The following DENND5B variants were observed in gnomAD, a reference collection of about 807,000 sequenced individuals.
DENND5B encodes the protein DENN domain-containing protein 5B.
In DENND5B, 34 loss-of-function variants were observed where a neutral mutation model predicts 140.6. The ratio of observed to expected loss-of-function variants is 0.24; its 90% CI spans 0.18 to 0.32. DENND5B has a LOEUF of 0.32. Among genes scored for constraint, DENND5B ranks in the 10% least tolerant of loss-of-function variants. The pLI, the probability that DENND5B is intolerant of heterozygous loss-of-function variation, is 1.00. For missense variants in DENND5B, 1,142 were observed against 1,560.2 expected, an observed-to-expected ratio of 0.73 and a Z score of 4.52; for synonymous variants, 551 against 562.1, an observed-to-expected ratio of 0.98 and a Z score of 0.28.
intron 11 of DENND5B, among the ~76,000 whole-genome samples, chr12:31,420,746 C>T (rs1489029193): frequency 1.3e-5 from 2 of 151,914 alleles, no homozygotes; most frequent in East Asian, 3.9e-4. Flanking sequence ...ACTCAGTCCT[C>T]CCAACGAATT....
intron 1 of DENND5B, among the ~76,000 whole-genome samples, chr12:31,551,855 GCTTT>G (rs1441778373): frequency 7.9e-5 from 12 of 152,180 alleles, no homozygotes; most frequent in South Asian, 4.1e-4. Flanking sequence ...TCATGATTTG[GCTTT>G]CTGTTTGTCT....
intron 3 of DENND5B, among the ~76,000 whole-genome samples, chr12:31,472,626 T>C (rs991785923): frequency 1.3e-5 from 2 of 151,964 alleles, no homozygotes; most frequent in African/African-American, 4.8e-5. Context: ...CTACCAAAGG[T>C]TGCATGGACT....
intron 11 of DENND5B, among the ~76,000 whole-genome samples, chr12:31,420,741 G>A (rs912587978): frequency 6.6e-6 from 1 of 152,094 alleles, no homozygotes; most frequent in South Asian, 2.1e-4. Flanking sequence ...ACCACACTCA[G>A]TCCTCCCAAC....
intron 1 of DENND5B, among the ~76,000 whole-genome samples, chr12:31,573,290 A>C (rs2617210): frequency 0.078 from 11,867 of 152,268 alleles, 1,056 homozygotes; most frequent in African/African-American, 0.22. Flanking sequence ...AAAATGTAAG[A>C]AGTTACCTCT....
At chr12:31,492,487 C>CCA (rs1453624570) in intron 2 of DENND5B, among the ~76,000 whole-genome samples, 1 of 152,176 alleles carries the variant, frequency 6.6e-6, no homozygotes, top group Non-Finnish European at 1.5e-5. Context: ...CATGGTGCCA[C>CCA]CACACCCAGC....
At chr12:31,538,250 G>A (rs771303187) in intron 1 of DENND5B, among the ~76,000 whole-genome samples, 1 of 152,090 alleles carries the variant, frequency 6.6e-6, no homozygotes, top group Non-Finnish European at 1.5e-5. Context: ...CTCAAGGATG[G>A]ACCATATGTT....
chr12:31,590,693 GC>G lies in DENND5B; in HGVS notation c.127+12del. ...CCTGAGGGGGCTCAGCGCCGCCGCAGCCCTGGCCTTACCCGCCAGCTCGTCA... is the reference window on the plus strand; with the variant it reads ...CCTGAGGGGGCTCAGCGCCGCCGCAGCCTGGCCTTACCCGCCAGCTCGTCA... On this transcript the variant is annotated intron_variant, in intron 1 of 20. Transcript: ENST00000389082. 1 of 1,471,496 alleles carries G rather than the reference GC, an allele frequency of 6.8e-7. No individual in the cohort carries two copies. 91.2% of individuals were successfully genotyped at this position (1,471,496 alleles called of 1,614,324 possible). A position where few individuals can be genotyped will look rare whatever the true frequency, so the allele number is the denominator to read the frequency against.
intron 7 of DENND5B, 47 bp downstream of exon 7, chr12:31,442,728 C>CTTCA: frequency 6.3e-7 from 1 of 1,586,686 alleles, no homozygotes; most frequent in Non-Finnish European, 8.6e-7. Flanking sequence ...GCACCCCACC[C>CTTCA]TTCATTCATT....
Position 31,452,184 on chromosome 12 carries a change from T to C in DENND5B, c.1385A>G (p.Lys462Arg). The C allele has an allele frequency of 1.2e-6, 2 of 1,614,002 alleles. No homozygotes were observed. The highest frequency in any genetic ancestry group is 1.7e-6 in the Non-Finnish European group (2 of 1,179,898). ...TTTTTCCACAGCCACACCAGTACGC[T>C]TGGCCAGAGCCTGCAAGCGGGCTAT... ...ETIARLQALA[K>R]RTGVAVEKMD... is the part of the protein sequence containing the mutation. The change falls in exon 5 of 21, where the codon AAG becomes AGG. Residue 462 changes from lysine (K) to arginine (R), a missense_variant. Lys to Arg is a conservative substitution (Grantham distance 26). This residue lies in a region of DENND5B where 708 missense variants were observed against 905.5 expected (regional missense o/e 0.78). Coordinates refer to ENST00000389082, the MANE Select transcript of DENND5B (RefSeq NM_144973.4).
intron 1 of DENND5B, among the ~76,000 whole-genome samples, chr12:31,549,887 G>A (rs562219622): frequency 2.0e-5 from 3 of 152,156 alleles, no homozygotes; most frequent in South Asian, 2.1e-4. Flanking sequence ...TTGATTCCAC[G>A]TCTTTGCTAC....
intron 7 of DENND5B, among the ~76,000 whole-genome samples, chr12:31,441,168 T>C (rs1393927348): frequency 2.0e-5 from 3 of 151,790 alleles, no homozygotes; most frequent in Non-Finnish European, 2.9e-5. Flanking sequence ...TAAGGCAAAA[T>C]CCTGTCTCTA....
At chr12:31,565,843 A>G (rs1342087458) in intron 1 of DENND5B, among the ~76,000 whole-genome samples, 1 of 152,182 alleles carries the variant, frequency 6.6e-6, no homozygotes, top group Non-Finnish European at 1.5e-5. Context: ...GACTGGCTAT[A>G]AAAACTAAAA....
intron 3 of DENND5B, among the ~76,000 whole-genome samples, chr12:31,476,976 C>T (rs1252591545): frequency 6.6e-6 from 1 of 152,132 alleles, no homozygotes; most frequent in Non-Finnish European, 1.5e-5. Flanking sequence ...CGCCGGTAAT[C>T]CCAGCACTTT....
chr12:31,539,545 T>C (rs533213854), intron 1 of DENND5B, among the ~76,000 whole-genome samples: 49 of 152,286 alleles, frequency 3.2e-4, no homozygotes, highest in African/African-American at 9.6e-4. Flanking sequence ...AAATAGGATT[T>C]ATCCCAGGGA....
At chr12:31,563,069 A>G (rs1340936821) in intron 1 of DENND5B, among the ~76,000 whole-genome samples, 1 of 152,200 alleles carries the variant, frequency 6.6e-6, no homozygotes, top group Non-Finnish European at 1.5e-5. Context: ...TTTGTTTAAA[A>G]GGTGGCAAAT....
chr12:31,590,534 A>G (rs1391986875), intron 1 of DENND5B, 172 bp downstream of exon 1: 6 of 795,202 alleles, frequency 7.5e-6, no homozygotes, highest in Non-Finnish European at 8.8e-6. Flanking sequence ...CGCACGCGGA[A>G]TAAATAACAA....
intron 1 of DENND5B, among the ~76,000 whole-genome samples, chr12:31,525,840 A>T (rs1390445927): frequency 6.6e-6 from 1 of 152,072 alleles, no homozygotes; most frequent in Non-Finnish European, 1.5e-5. Context: ...GAAAAATATA[A>T]AAATTGGCCA....
chr12:31,483,073 C>T (rs1946131581), intron 2 of DENND5B, among the ~76,000 whole-genome samples: 1 of 152,208 alleles, frequency 6.6e-6, no homozygotes, highest in South Asian at 2.1e-4. Context: ...ATCTGCTCTT[C>T]CCTTTTCCAG....
At chr12:31,590,606 A>G in intron 1 of DENND5B, 100 bp downstream of exon 1, 1 of 1,287,080 alleles carries the variant, frequency 7.8e-7, no homozygotes, top group Non-Finnish European at 9.9e-7. Flanking sequence ...CGCCACCGGG[A>G]GCTGACTTTG....
Sources: gnomAD v4.1 joint callset for allele counts (sites outside exome capture counted in the v4.1 genomes callset) on GRCh38, gnomAD v4.1.1 for gene constraint, gnomAD v4.1.1 regional missense constraint, MANE v1.5 for transcripts, NCBI Gene and HGNC (gene_info 2026-07-23, HGNC 2026-07-21) for gene names.